MTIF2: variants seen among roughly 807,000 people sequenced by gnomAD.
The protein encoded by MTIF2 is mitochondrial translational initiation factor 2, also known as translation initiation factor IF-2, mitochondrial.
MTIF2 carries 71 observed loss-of-function variants against 83.5 expected under a neutral mutation model. The observed-to-expected ratio is 0.85, with a 90% CI of 0.70 to 1.04. The LOEUF (loss-of-function observed/expected upper bound fraction) is 1.04. Ranked by LOEUF, MTIF2 falls within the 50% of genes least tolerant of loss-of-function variation. MTIF2 has a pLI of 0.00. For synonymous variants in MTIF2, 319 were observed against 287.1 expected (o/e 1.11, Z -1.12); for missense variants, 957 against 846.5 (o/e 1.13, Z -1.62).
chr2:55,268,242 CTCTG>C (rs1278170274), intron 2 of MTIF2, among the ~76,000 whole-genome samples: 1 of 151,066 alleles, frequency 6.6e-6, no homozygotes, highest in Non-Finnish European at 1.5e-5. Context: ...GACAGTGAGA[CTCTG>C]TCTAAAGAAA....
At chr2:55,247,474 A>C (rs1195116939) in intron 9 of MTIF2, among the ~76,000 whole-genome samples, 1 of 152,082 alleles carries the variant, frequency 6.6e-6, no homozygotes, top group Non-Finnish European at 1.5e-5. Context: ...AATCACTTGA[A>C]CCCAGAGGCA....
intron 12 of MTIF2, 100 bp from the exon 13 acceptor site, chr2:55,243,180 T>C (rs1676448457): frequency 7.9e-7 from 1 of 1,262,310 alleles, no homozygotes. Context: ...AGGAATGTCA[T>C]TTATCACTAA....
chr2:55,239,221 T>G (rs1162664839), intron 14 of MTIF2, among the ~76,000 whole-genome samples: 1 of 152,240 alleles, frequency 6.6e-6, no homozygotes, highest in African/African-American at 2.4e-5. Flanking sequence ...TACAAATAAG[T>G]GTTAAATTTC....
At chr2:55,251,024 C>A (rs934011189) in intron 8 of MTIF2, among the ~76,000 whole-genome samples, 1 of 146,002 alleles carries the variant, frequency 6.8e-6, no homozygotes, top group African/African-American at 2.5e-5. Context: ...GCAGGAGAAT[C>A]GCTTGAACCT....
chr2:55,237,161 A>C (rs1675898851), intron 15 of MTIF2, 127 bp downstream of exon 15: 4 of 1,108,682 alleles, frequency 3.6e-6, no homozygotes, highest in Non-Finnish European at 3.8e-6. Context: ...TAGGGGTTTC[A>C]ATAGCAATAA....
At chr2:55,261,174 G>C (rs946137584) in intron 5 of MTIF2, among the ~76,000 whole-genome samples, 1 of 152,036 alleles carries the variant, frequency 6.6e-6, no homozygotes, top group African/African-American at 2.4e-5. Flanking sequence ...ATTTTTAGTA[G>C]AGATGGGGTT....
At chr2:55,244,273 TACTTTAAGTA>T in intron 10 of MTIF2, 40 bp from the exon 11 acceptor site, 1 of 1,395,478 alleles carries the variant, frequency 7.2e-7, no homozygotes, top group South Asian at 1.2e-5. Flanking sequence ...TGTCATAATG[TACTTTAAGTA>T]GAGCAAAGAT....
At chr2:55,252,447 A>C in intron 8 of MTIF2, 30 bp downstream of exon 8, 1 of 1,601,120 alleles carries the variant, frequency 6.2e-7, no homozygotes, top group Non-Finnish European at 8.5e-7. Context: ...GACTTTATGT[A>C]GTAGATCCAT....
intron 14 of MTIF2, 78 bp from the exon 15 acceptor site, chr2:55,237,506 T>C: frequency 1.4e-6 from 2 of 1,420,582 alleles, no homozygotes; most frequent in Non-Finnish European, 1.9e-6. Context: ...TTCTGTGGTA[T>C]AAGAATTAAA....
chr2:55,252,956 TG>T (rs1320523540), intron 7 of MTIF2, among the ~76,000 whole-genome samples: 2 of 152,154 alleles, frequency 1.3e-5, no homozygotes, highest in Non-Finnish European at 2.9e-5. Flanking sequence ...ACAGACCAAT[TG>T]TTGTACAGGC....
intron 6 of MTIF2, 45 bp downstream of exon 6, chr2:55,254,609 T>C (rs1050639784): frequency 1.4e-6 from 2 of 1,433,184 alleles, no homozygotes; most frequent in Non-Finnish European, 1.9e-6. Context: ...AATATAACTA[T>C]GTAGTCTCCC....
chr2:55,246,925 C>A (rs1439841382), intron 9 of MTIF2, among the ~76,000 whole-genome samples: 2 of 152,078 alleles, frequency 1.3e-5, no homozygotes, highest in African/African-American at 4.8e-5. Context: ...AAGAATCCTA[C>A]AAAGCATATC....
At chr2:55,238,856 C>A (rs1676089867) in intron 14 of MTIF2, among the ~76,000 whole-genome samples, 4 of 152,188 alleles carry the variant, frequency 2.6e-5, no homozygotes, top group African/African-American at 7.2e-5. Context: ...CAGTTTTCCA[C>A]ATTGCTCTTA....
In MTIF2 at chr2:55,253,853, C is replaced by T. The variant is rs144990073; in HGVS notation, c.664+188G>A. Among the ~76,000 whole-genome samples, 241 of 151,730 alleles carry T rather than the reference C, an allele frequency of 1.6e-3. 1 individual carries two copies. The highest frequency in any genetic ancestry group is 5.5e-3 in the African/African-American group (229 of 41,304). On this transcript the variant is annotated intron_variant, in intron 7 of 15. Coordinates refer to ENST00000263629, the MANE Select transcript of MTIF2 (RefSeq NM_002453.3). ...AAAAAAAAAAAGTTAACAGTTAACA[C>T]AATCTTCTTCTTATAGAAAGTACAA... is the stretch of plus-strand genomic sequence containing the variant.
intron 15 of MTIF2, 109 bp from the exon 16 acceptor site, chr2:55,236,929 TTA>T: frequency 3.1e-6 from 3 of 956,402 alleles, no homozygotes; most frequent in Non-Finnish European, 4.3e-6. Context: ...CTTAAAAATT[TTA>T]TGGTCTTGTC....
chr2:55,254,247 A>T, intron 6 of MTIF2, 46 bp from the exon 7 acceptor site: 1 of 1,586,590 alleles, frequency 6.3e-7, no homozygotes, highest in Non-Finnish European at 8.6e-7. Flanking sequence ...TATCAGAAAT[A>T]CTTTATAGCC....
chr2:55,256,683 A>G (rs1677564860), intron 5 of MTIF2, among the ~76,000 whole-genome samples: 1 of 147,154 alleles, frequency 6.8e-6, no homozygotes, highest in Admixed American at 7.0e-5. Flanking sequence ...CCTGGGTGAC[A>G]GAGCGAGACT....
Position 55,263,698 on chromosome 2 carries a change from G to A in MTIF2, c.161C>T (p.Pro54Leu). The A allele has an allele frequency of 6.2e-7, 1 of 1,613,874 alleles. No homozygotes were observed. Residue 54 changes from proline (P) to leucine (L), a missense_variant, in exon 4 of 16, where the codon CCA becomes CTA. By Grantham distance (98) the Pro-to-Leu change is moderately conservative (BLOSUM62 -3). This residue lies in a region of MTIF2 where 733 missense variants were observed against 648.7 expected (regional missense o/e 1.13). Coordinates refer to ENST00000263629, the MANE Select transcript of MTIF2 (RefSeq NM_002453.3). ...AGCAGCCCCAGTGAGCACATCTGTT[G>A]GCCAGGGCCAGGCACACAGTTGAGC... The part of the protein sequence containing the change: ...WTAQLCAWPW[P>L]TDVLTGAALS...
intron 7 of MTIF2, 32 bp from the exon 8 acceptor site, chr2:55,252,685 A>T: frequency 6.4e-7 from 1 of 1,559,518 alleles, no homozygotes; most frequent in South Asian, 1.1e-5. Flanking sequence ...AACATCAAGG[A>T]TTCAAACATG....
Sources: gnomAD v4.1 joint callset for allele counts (sites outside exome capture counted in the v4.1 genomes callset) on GRCh38, gnomAD v4.1.1 for gene constraint, gnomAD v4.1.1 regional missense constraint, MANE v1.5 for transcripts, NCBI Gene and HGNC (gene_info 2026-07-23, HGNC 2026-07-21) for gene names.